SPHKAP: variants seen among roughly 807,000 people sequenced by gnomAD.
The protein encoded by SPHKAP is SPHK1 interactor, AKAP domain containing.
In SPHKAP, 67 loss-of-function variants were observed where a neutral mutation model predicts 137.5. The ratio of observed to expected loss-of-function variants is 0.49; its 90% CI spans 0.40 to 0.60. The LOEUF (loss-of-function observed/expected upper bound fraction) is 0.60. Ranked by LOEUF, SPHKAP falls within the 20% of genes least tolerant of loss-of-function variation. The pLI, the probability that SPHKAP is intolerant of heterozygous loss-of-function variation, is 0.00. For missense variants in SPHKAP, 2,097 were observed against 2,069.3 expected (o/e 1.01, Z -0.26); for synonymous variants, 813 against 785.3 (o/e 1.04, Z -0.59).
chr2:228,040,812 A>G (rs1331153978), intron 3 of SPHKAP, among the ~76,000 whole-genome samples: 1 of 152,226 alleles, frequency 6.6e-6, no homozygotes, highest in Non-Finnish European at 1.5e-5. Context: ...TTATTGTCTT[A>G]GACATTTCAT....
intron 2 of SPHKAP, among the ~76,000 whole-genome samples, chr2:228,128,021 G>C (rs865845693): frequency 3.3e-5 from 5 of 152,256 alleles, no homozygotes; most frequent in Middle Eastern, 6.8e-3. Context: ...TTGTCTCCAG[G>C]TTGATGGCTA....
rs1559168559 is a variant in SPHKAP, at chr2:228,092,112, C to CGTGT, written c.246+16719_246+16720insACAC. Among the ~76,000 whole-genome samples the CGTGT allele has an allele frequency of 2.5e-3, 350 of 138,366 alleles. 1 individual carries two copies. The highest frequency in any genetic ancestry group is 8.6e-3 in the African/African-American group (318 of 37,032). 90.8% of individuals were successfully genotyped at this position (138,366 alleles called of 152,430 possible). Reference sequence around the variant, plus strand: ...ATGTGTGTATATATGTATATATACACATATATACATATACGTATATGTGTG... The same window carrying CGTGT: ...ATGTGTGTATATATGTATATATACACGTGTATATATACATATACGTATATGTGTG... On this transcript the variant is annotated intron_variant, in intron 3 of 11. Transcript: ENST00000392056.
chr2:228,098,051 A>T (rs1698051533), intron 3 of SPHKAP, among the ~76,000 whole-genome samples: 1 of 152,120 alleles, frequency 6.6e-6, no homozygotes, highest in South Asian at 2.1e-4. Context: ...TATTTGAGAA[A>T]TCTCTAAGCT....
intron 1 of SPHKAP, among the ~76,000 whole-genome samples, chr2:228,174,588 C>T (rs762759211): frequency 6.6e-5 from 10 of 152,142 alleles, no homozygotes; most frequent in Admixed American, 4.6e-4. Context: ...GGGAATATGA[C>T]GCTGACTTCC....
At chr2:228,032,205 A>AGG (rs1695358415) in intron 3 of SPHKAP, among the ~76,000 whole-genome samples, 1 of 152,236 alleles carries the variant, frequency 6.6e-6, no homozygotes, top group Admixed American at 6.5e-5. Flanking sequence ...ATGGAGCTGA[A>AGG]AGCCAAGGCT....
Position 228,084,173 on chromosome 2 carries a change from CCTT to C in SPHKAP, c.246+24656_246+24658del, listed in dbSNP as rs572008684. On this transcript the variant is annotated intron_variant, in intron 3 of 11. Transcript: ENST00000392056. ...CTAGAATGCAATGGTGTTTAAAAAA[CCTT>C]CTGTCATCTGCCTCTCAAAGGAATG... Among the ~76,000 whole-genome samples, 513 of 151,672 alleles carry C rather than the reference CCTT, an allele frequency of 3.4e-3. 3 individuals are homozygous for C. The highest frequency in any genetic ancestry group is 0.012 in the African/African-American group (484 of 41,354).
At position 228,066,613 on chromosome 2, in the gene SPHKAP, G is replaced by A. The variant is rs184294392; in HGVS notation, c.247-39070C>T. On this transcript the variant is annotated intron_variant, in intron 3 of 11. Coordinates refer to ENST00000392056, the MANE Select transcript of SPHKAP (RefSeq NM_001142644.2). ...CAGAGTCCCCTGAGCCCCCGGCTGC[G>A]TGGGGGCAGTGGAGCCAGGGCCCAG... Among the ~76,000 whole-genome samples the A allele has an allele frequency of 9.0e-4, 137 of 152,282 alleles. No homozygotes were observed. The South Asian group carries it at 9.9e-3, about 11-fold the overall frequency.
intron 3 of SPHKAP, among the ~76,000 whole-genome samples, chr2:228,089,018 T>G (rs1697631012): frequency 6.6e-6 from 1 of 152,090 alleles, no homozygotes; most frequent in Non-Finnish European, 1.5e-5. Context: ...TGTGAAAGCA[T>G]TTTTGGAACT....
intron 1 of SPHKAP, among the ~76,000 whole-genome samples, chr2:228,143,587 C>T (rs1387484253): frequency 6.6e-6 from 1 of 151,718 alleles, no homozygotes; most frequent in Non-Finnish European, 1.5e-5. Context: ...CCTCCGCCTC[C>T]CTGGTTCAAG....
chr2:228,062,082 G>A (rs958580422), intron 3 of SPHKAP, among the ~76,000 whole-genome samples: 1 of 151,778 alleles, frequency 6.6e-6, no homozygotes. Context: ...CAGATTTTTG[G>A]CTCAAGAAAA....
chr2:228,032,208 C>A (rs954363979), intron 3 of SPHKAP, among the ~76,000 whole-genome samples: 5 of 152,108 alleles, frequency 3.3e-5, no homozygotes, highest in Non-Finnish European at 7.3e-5. Flanking sequence ...GAGCTGAAAG[C>A]CAAGGCTCGA....
chr2:228,142,724 G>C (rs1699644846), intron 1 of SPHKAP, among the ~76,000 whole-genome samples: 1 of 151,956 alleles, frequency 6.6e-6, no homozygotes, highest in Non-Finnish European at 1.5e-5. Context: ...AGGAGGGAGA[G>C]GACAAGGAAA....
At chr2:228,066,870 A>C (rs563179070) in intron 3 of SPHKAP, among the ~76,000 whole-genome samples, 4 of 152,362 alleles carry the variant, frequency 2.6e-5, no homozygotes, top group African/African-American at 9.6e-5. Flanking sequence ...CTAAGCTCGT[A>C]AATGGAAGGG....
intron 3 of SPHKAP, among the ~76,000 whole-genome samples, chr2:228,078,827 C>A (rs1022363440): frequency 6.6e-6 from 1 of 152,116 alleles, no homozygotes; most frequent in Non-Finnish European, 1.5e-5. Flanking sequence ...GGGAAGTGAG[C>A]ACCAGCCTTT....
intron 7 of SPHKAP, among the ~76,000 whole-genome samples, chr2:228,000,336 C>G (rs549348473): frequency 6.6e-6 from 1 of 151,120 alleles, no homozygotes; most frequent in Non-Finnish European, 1.5e-5. Flanking sequence ...AAAAATTAGT[C>G]GGCCGGGCAC....
intron 3 of SPHKAP, among the ~76,000 whole-genome samples, chr2:228,088,297 G>A (rs1174643278): frequency 6.6e-6 from 1 of 152,044 alleles, no homozygotes. Context: ...ACACATAAAT[G>A]AGAAGTAACA....
chr2:227,993,256 T>A (rs564418117), intron 9 of SPHKAP, among the ~76,000 whole-genome samples: 7 of 152,350 alleles, frequency 4.6e-5, no homozygotes, highest in African/African-American at 1.7e-4. Context: ...GGTTCTTGCT[T>A]CTGTTTCTAG....
chr2:227,982,401 A>G (rs1693034373), intron 11 of SPHKAP: 1 of 980,434 alleles, frequency 1.0e-6, no homozygotes, highest in African/African-American at 1.8e-5. Context: ...GGCTTTCCAC[A>G]GCCACAGGAT....
chr2:228,149,550 T>C (rs191347642), intron 1 of SPHKAP, among the ~76,000 whole-genome samples: 23 of 152,184 alleles, frequency 1.5e-4, no homozygotes, highest in Admixed American at 2.6e-4. Context: ...TGTGGAGGGA[T>C]TGGGGAAGAG....
Sources: gnomAD v4.1 joint callset for allele counts (sites outside exome capture counted in the v4.1 genomes callset) on GRCh38, gnomAD v4.1.1 for gene constraint, MANE v1.5 for transcripts, NCBI Gene and HGNC (gene_info 2026-07-23, HGNC 2026-07-21) for gene names.